Variants in TRIM48 observed in about 807,000 individuals in gnomAD.
TRIM48 encodes the protein E3 ubiquitin-protein ligase TRIM48.
TRIM48 carries 31 observed loss-of-function variants against 29.5 expected under a neutral mutation model. That is an observed-to-expected ratio of 1.05 (90% confidence interval 0.79 to 1.42). The LOEUF is 1.42. Ranked by LOEUF, TRIM48 falls within the 40% of genes most tolerant of loss-of-function variation. TRIM48 has a pLI of 0.00. For synonymous variants in TRIM48, 128 were observed against 90.6 expected (o/e 1.41, Z -2.34); for missense variants, 344 against 265.0 (o/e 1.30, Z -2.07).
At position 55,265,142 on chromosome 11, in the gene TRIM48, C is replaced by A. The variant is rs202054751; in HGVS notation, c.287C>A (p.Ala96Asp). 1 of 1,582,604 alleles carries A rather than the reference C, an allele frequency of 6.3e-7. No homozygotes were observed. Among genetic ancestry groups the A allele is most frequent in the African/African-American group, 1.4e-5 (1 of 73,598 alleles). The change falls in exon 2 of 6, where the codon GCC becomes GAC. Residue 96 changes from alanine to aspartate, a missense_variant. Physicochemically the swap from Ala to Asp is moderately radical, Grantham distance 126. Transcript: ENST00000417545. Reference sequence around the variant, plus strand: ...AAGATGGCTTCCCTTGCCAGAAAAGCCAGTCTCTGGCTATTCCTGAGCTCT... The same window carrying A: ...AAGATGGCTTCCCTTGCCAGAAAAGACAGTCTCTGGCTATTCCTGAGCTCT... ...LKKMASLARK[A>D]SLWLFLSSEE...
chr11:55,262,245 C>A lies in TRIM48; in HGVS notation c.-23C>A. On this transcript the variant is annotated 5_prime_UTR_variant, in exon 1 of 6. Transcript: ENST00000417545. ...GTACTGCAGCGAATGAGCTCCTGAC[C>A]TTGAGGAGTACTTAACAGAATTATG... 4 of 1,547,478 alleles carry A rather than the reference C, an allele frequency of 2.6e-6. No homozygotes were observed. Among genetic ancestry groups the A allele is most frequent in the Non-Finnish European group, 3.5e-6 (4 of 1,145,124 alleles).
chr11:55,269,887 A>G (rs1382162018), intron 5 of TRIM48, among the ~76,000 whole-genome samples: 2 of 148,074 alleles, frequency 1.4e-5, no homozygotes, highest in Non-Finnish European at 1.5e-5. Flanking sequence ...ATGAAAAGCT[A>G]CATGTTAAGT....
intron 5 of TRIM48, 99 bp from the exon 6 acceptor site, chr11:55,270,338 A>G: frequency 1.0e-6 from 1 of 988,934 alleles, no homozygotes; most frequent in Non-Finnish European, 1.4e-6. Context: ...TTTCCTGGTA[A>G]ATTAACTTTT....
At chr11:55,263,712 G>T (rs950393776) in intron 1 of TRIM48, among the ~76,000 whole-genome samples, 4 of 151,976 alleles carry the variant, frequency 2.6e-5, no homozygotes, top group Non-Finnish European at 5.9e-5. Context: ...ACATATATCT[G>T]TCCTCAAGCT....
chr11:55,267,691 T>C (rs1295484173), intron 3 of TRIM48: 1 of 1,548,390 alleles, frequency 6.5e-7, no homozygotes, highest in Non-Finnish European at 8.7e-7. Flanking sequence ...TGTATAAGTA[T>C]TTTCCTCATG....
At chr11:55,267,376 T>C (rs2120110837) in intron 3 of TRIM48, 3 of 1,556,520 alleles carry the variant, frequency 1.9e-6, no homozygotes, top group Non-Finnish European at 2.6e-6. Flanking sequence ...ATATATACAT[T>C]TCTCTTTTGA....
intron 4 of TRIM48, among the ~76,000 whole-genome samples, chr11:55,268,760 A>C (rs1464124982): frequency 6.8e-6 from 1 of 147,660 alleles, no homozygotes; most frequent in Non-Finnish European, 1.5e-5. Context: ...ACAGTTCCGA[A>C]AAATAGATTG....
chr11:55,267,439 A>G, intron 3 of TRIM48: 1 of 1,578,646 alleles, frequency 6.3e-7, no homozygotes, highest in Non-Finnish European at 8.6e-7. Flanking sequence ...AAGCTATTAA[A>G]GCTGAGTATC....
Position 55,269,892 on chromosome 11 carries a change from T to C in TRIM48, c.*2-545T>C, listed in dbSNP as rs192019548. On this transcript the variant is annotated intron_variant, in intron 5 of 5. Transcript: ENST00000417545. ...TAATTGCAATATGAAAAGCTACATG[T>C]TAAGTCTAAAATCCAGCTTCAGCCC... 2.5e-3 allele frequency among the ~76,000 whole-genome samples: 375 copies of C among 147,898 alleles called. 28 individuals are homozygous for C. The highest frequency in any genetic ancestry group is 8.9e-3 in the African/African-American group (362 of 40,496).
At position 55,270,482 on chromosome 11, in the gene TRIM48, G is replaced by C; in HGVS notation, c.*47G>C. The C allele has an allele frequency of 1.3e-6, 2 of 1,561,938 alleles. No individual in the cohort carries two copies. Among genetic ancestry groups the C allele is most frequent in the Non-Finnish European group, 1.7e-6 (2 of 1,150,294 alleles). On this transcript the variant is annotated 3_prime_UTR_variant, in exon 6 of 6. Coordinates refer to ENST00000417545, the MANE Select transcript of TRIM48 (RefSeq NM_024114.5). ...AATGAAGCCAACAGTCATATCTTCC[G>C]ATGTGGAGATTTGAGAAGCATTTGT... is the stretch of plus-strand genomic sequence containing the variant.
chr11:55,268,354 T>A lies in TRIM48; in HGVS notation c.560T>A (p.Phe187Tyr), dbSNP rs1857424812. ...TTCTATTTTTTTTTTTTACAGGCTTTTGGAGACATATTATACAGGTGAGTA... is the reference window on the plus strand; with the variant it reads ...TTCTATTTTTTTTTTTTACAGGCTTATGGAGACATATTATACAGGTGAGTA... The part of the protein sequence containing the change: ...ETTRISHWKA[F>Y]GDILYRSESV... Residue 187 changes from phenylalanine to tyrosine, a missense_variant, in exon 4 of 6, where the codon TTT becomes TAT. Transcript: ENST00000417545. 1 of 1,553,298 alleles carries A rather than the reference T, an allele frequency of 6.4e-7. No homozygotes were observed. The highest frequency in any genetic ancestry group is 1.7e-5 in the Admixed American group (1 of 57,216).
At position 55,265,745 on chromosome 11, in the gene TRIM48, G is replaced by T. The variant is rs752356011; in HGVS notation, c.555+50G>T. ...CTCCAGGAACTTATGGTGGGCAAAT[G>T]GGTGACTCTTAAAATAGGAACTTGA... On this transcript the variant is annotated intron_variant, in intron 3 of 5. Coordinates refer to ENST00000417545, the MANE Select transcript of TRIM48 (RefSeq NM_024114.5). 5 of 1,527,934 alleles carry T rather than the reference G, an allele frequency of 3.3e-6. No individual in the cohort carries two copies. In the East Asian group the frequency reaches 7.5e-5, roughly 23 times the overall value. The allele number at this position is 1,527,934 out of a possible 1,614,324, so 94.6% of individuals were successfully genotyped here. A position where few individuals can be genotyped will look rare whatever the true frequency, so the allele number is the denominator to read the frequency against.
In TRIM48 at chr11:55,267,164, T is replaced by G. The variant is rs186966427; in HGVS notation, c.556-1186T>G. On this transcript the variant is annotated intron_variant, in intron 3 of 5. Transcript: ENST00000417545. ...TTGGAATAGAGAAATTCAAATTGTG[T>G]TTTTTTTTATTTCCAACTATCTTAG... Among the ~76,000 whole-genome samples the G allele has an allele frequency of 1.8e-4, 26 of 142,418 alleles. 3 individuals carry two copies. The highest frequency in any genetic ancestry group is 6.3e-4 in the Admixed American group (9 of 14,214). The allele number at this position is 142,418 out of a possible 152,430, so 93.4% of individuals were successfully genotyped here.
rs1476409602 is a variant in TRIM48, at chr11:55,265,630, T to C, written c.490T>C (p.Trp164Arg). ...GCTTTTAAAGAAAATGCAGTCTTTA[T>C]GGGAAAAAGCTTGTGAAAATCAGAG... The part of the protein sequence containing the change: ...EKLLKKMQSL[W>R]EKACENQRNL... Residue 164 changes from tryptophan to arginine, a missense_variant, in exon 3 of 6, where the codon TGG becomes CGG. By Grantham distance (101) the Trp-to-Arg change is moderately radical. Coordinates refer to ENST00000417545, the MANE Select transcript of TRIM48 (RefSeq NM_024114.5). 2 of 1,582,134 alleles carry C rather than the reference T, an allele frequency of 1.3e-6. No homozygotes were observed. The highest frequency in any genetic ancestry group is 1.7e-5 in the Admixed American group (1 of 58,220).
rs576510962 is a variant in TRIM48 at position 55,265,720 on chromosome 11, C to T, written c.555+25C>T. ...GGTTAGTCCTGTAATACCCTACCTTCTCCAGGAACTTATGGTGGGCAAATG... is the reference window on the plus strand; with the variant it reads ...GGTTAGTCCTGTAATACCCTACCTTTTCCAGGAACTTATGGTGGGCAAATG... On this transcript the variant is annotated intron_variant, in intron 3 of 5. Coordinates refer to ENST00000417545, the MANE Select transcript of TRIM48 (RefSeq NM_024114.5). 19 of 1,567,540 alleles carry T rather than the reference C, an allele frequency of 1.2e-5. 2 individuals are homozygous for T. Among genetic ancestry groups the T allele is most frequent in the South Asian group, 4.8e-5 (4 of 82,718 alleles).
At chr11:55,266,958 G>T (rs1161552045) in intron 3 of TRIM48, among the ~76,000 whole-genome samples, 1 of 147,666 alleles carries the variant, frequency 6.8e-6, no homozygotes, top group Non-Finnish European at 1.5e-5. Flanking sequence ...TATTAGGATA[G>T]GTTTTGCTGG....
At chr11:55,269,646 T>C (rs1045466518) in intron 5 of TRIM48, among the ~76,000 whole-genome samples, 1 of 147,568 alleles carries the variant, frequency 6.8e-6, no homozygotes, top group Non-Finnish European at 1.5e-5. Flanking sequence ...AGGTGAGTTA[T>C]TTAATGTTAA....
rs367726561 is a variant in TRIM48, at chr11:55,265,637, A to C, written c.497A>C (p.Lys166Thr). 4.6e-5 allele frequency: 73 copies of C among 1,581,686 alleles called. 5 individuals carry two copies. Among genetic ancestry groups the C allele is most frequent in the Non-Finnish European group, 6.0e-5 (70 of 1,165,382 alleles). ...AAGAAAATGCAGTCTTTATGGGAAA[A>C]AGCTTGTGAAAATCAGAGAAACCTG... ...LLKKMQSLWE[K>T]ACENQRNLNV... Residue 166 changes from lysine to threonine, a missense_variant, in exon 3 of 6, where the codon AAA becomes ACA. By Grantham distance (78) the Lys-to-Thr change is moderately conservative. Transcript: ENST00000417545.
chr11:55,269,308 T>A lies in TRIM48; in HGVS notation c.645T>A (p.Thr215=). The change falls in exon 5 of 6, where the codon ACT becomes ACA. Residue 215 remains threonine (T), a synonymous_variant. Transcript: ENST00000417545. ...LNLALRAGPI[T]GLRDRLNQF ...TAGCGCTCAGGGCAGGGCCCATCAC[T>A]GGACTGAGGGACAGGCTCAACCAAT... 1 of 1,575,946 alleles carries A rather than the reference T, an allele frequency of 6.3e-7. No individual in the cohort carries two copies. The highest frequency in any genetic ancestry group is 8.6e-7 in the Non-Finnish European group (1 of 1,166,018).
Sources: allele counts gnomAD v4.1 joint callset (sites outside exome capture counted in the v4.1 genomes callset), GRCh38; gene constraint gnomAD v4.1.1; transcripts MANE v1.5; gene names NCBI Gene and HGNC (gene_info 2026-07-23, HGNC 2026-07-21).